Variants in MROH2B observed in about 807,000 individuals in gnomAD.
MROH2B encodes the protein maestro heat-like repeat-containing protein family member 2B.
A neutral mutation model predicts 208.6 loss-of-function variants in MROH2B; 177 were observed. That is an observed-to-expected ratio of 0.85 (90% CI 0.75 to 0.96). The LOEUF is 0.96. Among genes scored for constraint, MROH2B ranks in the 40% least tolerant of loss-of-function variants. MROH2B has a pLI of 0.00. For missense variants in MROH2B, 2,002 were observed against 1,878.7 expected (o/e 1.07, Z -1.21); for synonymous variants, 728 against 659.0 (o/e 1.10, Z -1.60).
chr5:41,008,619 G>C lies in MROH2B; in HGVS notation c.3595C>G (p.Pro1199Ala), dbSNP rs1371142640. Residue 1199 changes from proline to alanine, a missense_variant, in exon 33 of 42, where the codon CCA becomes GCA. Physicochemically the swap from Pro to Ala is conservative, Grantham distance 27 (BLOSUM62 -1). Coordinates refer to ENST00000399564, the MANE Select transcript of MROH2B (RefSeq NM_173489.5). Reference protein sequence around the residue: ...VMQQGEQQQIPDPCRLSTATL... With the variant: ...VMQQGEQQQIADPCRLSTATL... Reference sequence around the variant, plus strand: ...TTGGCCGTTTACCTGCAGGGGTCTGGGATCTGCTGCTGTTCTCCCTGCTGC... The same window carrying C: ...TTGGCCGTTTACCTGCAGGGGTCTGCGATCTGCTGCTGTTCTCCCTGCTGC... 7 of 1,613,568 alleles carry C rather than the reference G, an allele frequency of 4.3e-6. No individual in the cohort carries two copies. In the Admixed American group the frequency reaches 6.7e-5, roughly 15 times the overall value.
chr5:41,022,384 G>T (rs1453488379), intron 24 of MROH2B, among the ~76,000 whole-genome samples: 1 of 152,178 alleles, frequency 6.6e-6, no homozygotes, highest in Non-Finnish European at 1.5e-5. Context: ...CTTAGCAAAT[G>T]GCACACCAGG....
intron 2 of MROH2B, 128 bp from the exon 3 acceptor site, chr5:41,067,346 T>C (rs1276562684): frequency 1.7e-6 from 1 of 597,768 alleles, no homozygotes; most frequent in Non-Finnish European, 2.9e-6. Flanking sequence ...TCATATTATA[T>C]GTCTTAATTG....
At chr5:41,056,250 T>C (rs928190072) in intron 9 of MROH2B, among the ~76,000 whole-genome samples, 1 of 152,140 alleles carries the variant, frequency 6.6e-6, no homozygotes, top group Non-Finnish European at 1.5e-5. Context: ...TGATGCTTCC[T>C]CTGCTGTGAG....
At chr5:41,063,906 G>T (rs1743718301) in intron 5 of MROH2B, among the ~76,000 whole-genome samples, 2 of 152,110 alleles carry the variant, frequency 1.3e-5, no homozygotes, top group South Asian at 4.1e-4. Flanking sequence ...TTCAGTTTGG[G>T]GTAGAGGAGT....
chr5:41,021,848 C>G (rs1397293834), intron 24 of MROH2B, among the ~76,000 whole-genome samples: 2 of 151,918 alleles, frequency 1.3e-5, no homozygotes, highest in Non-Finnish European at 2.9e-5. Context: ...TGCACTCCAG[C>G]CTGGATGACA....
At chr5:41,067,554 A>T (rs1266892852) in intron 2 of MROH2B, among the ~76,000 whole-genome samples, 6 of 151,890 alleles carry the variant, frequency 4.0e-5, no homozygotes, top group Admixed American at 2.6e-4. Context: ...TTTAGTAGAG[A>T]CGGGGTTTTT....
chr5:41,033,217 A>T, intron 22 of MROH2B, 57 bp from the exon 23 acceptor site: 4 of 1,593,542 alleles, frequency 2.5e-6, no homozygotes, highest in Non-Finnish European at 3.4e-6. Flanking sequence ...ACTCAGGTCT[A>T]TTAACATGTG....
rs776705887 is a variant in MROH2B at position 41,010,077 on chromosome 5, T to C, written c.3138A>G (p.Leu1046=). 36 of 1,612,346 alleles carry C rather than the reference T, an allele frequency of 2.2e-5. No individual in the cohort carries two copies. The highest frequency in any genetic ancestry group is 5.4e-5 in the African/African-American group (4 of 74,766). Residue 1046 remains leucine, a splice_region_variant and synonymous_variant, in exon 31 of 42, where the codon CTA becomes CTG. Transcript: ENST00000399564. The stretch of plus-strand genomic sequence containing the variant: ...GGTAGATTGTGCCTAAGATCTCCAA[T>C]AGCTAAAGAGAAAAAAGCCAAGTCA... ...KQQGAALEDQ[L]LEILGTIYHH...
intron 24 of MROH2B, among the ~76,000 whole-genome samples, chr5:41,023,459 T>G (rs185905062): frequency 6.6e-6 from 1 of 152,066 alleles, no homozygotes; most frequent in South Asian, 2.1e-4. Context: ...AAGATCAAAT[T>G]AATGAAATGA....
intron 37 of MROH2B, among the ~76,000 whole-genome samples, chr5:41,002,230 C>T (rs1459833227): frequency 6.6e-6 from 1 of 152,000 alleles, no homozygotes; most frequent in Non-Finnish European, 1.5e-5. Flanking sequence ...ATCAACCAAT[C>T]GAGATGATGA....
Position 41,008,746 on chromosome 5 carries a change from G to A in MROH2B, c.3468C>T (p.Thr1156=), listed in dbSNP as rs185546559. The A allele has an allele frequency of 2.1e-4, 332 of 1,613,646 alleles. No individual in the cohort carries two copies. The Middle Eastern group carries it at 6.9e-3, about 34-fold the overall frequency. The change falls in exon 33 of 42, where the codon ACC becomes ACT. Residue 1156 remains threonine (T), a synonymous_variant. Transcript: ENST00000399564. The part of the protein sequence containing the change: ...YEVISMGTSV[T]GLYPELFTLL... ...GAGTGAACAGCTCTGGATACAAGCC[G>A]GTGACAGAGGTGCCCATTGAGATCA... is the stretch of plus-strand genomic sequence containing the variant.
intron 21 of MROH2B, among the ~76,000 whole-genome samples, chr5:41,036,175 G>T (rs1404312932): frequency 6.6e-6 from 1 of 151,612 alleles, no homozygotes; most frequent in Non-Finnish European, 1.5e-5. Context: ...ACATAGATAT[G>T]GTTTGGCTGT....
At chr5:41,009,244 C>T in intron 32 of MROH2B, 36 bp downstream of exon 32, 2 of 1,610,970 alleles carry the variant, frequency 1.2e-6, no homozygotes, top group Non-Finnish European at 1.7e-6. Flanking sequence ...ATGGCGCAGT[C>T]TCAGGCAAGT....
chr5:41,069,840 A>T, intron 1 of MROH2B, 88 bp from the exon 2 acceptor site: 1 of 993,930 alleles, frequency 1.0e-6, no homozygotes, highest in Non-Finnish European at 1.5e-6. Context: ...AAGTTCATTC[A>T]TTCATTTATC....
At chr5:41,032,673 T>C (rs1292790987) in intron 24 of MROH2B, 69 bp downstream of exon 24, 1 of 1,280,782 alleles carries the variant, frequency 7.8e-7, no homozygotes, top group East Asian at 2.5e-5. Context: ...CACTAACAGA[T>C]GTTAGTTGAT....
At chr5:41,032,894 T>G (rs1171889141) in intron 23 of MROH2B, 73 bp from the exon 24 acceptor site, 1 of 1,556,672 alleles carries the variant, frequency 6.4e-7, no homozygotes, top group Non-Finnish European at 8.7e-7. Flanking sequence ...TGCAACCTCA[T>G]CAGACCATTG....
chr5:41,062,214 G>A (rs1743664273), intron 5 of MROH2B, among the ~76,000 whole-genome samples: 1 of 152,144 alleles, frequency 6.6e-6, no homozygotes. Flanking sequence ...ATAAATAGCT[G>A]CTAATAGGTA....
chr5:41,039,909 T>C (rs1396804852), intron 19 of MROH2B, among the ~76,000 whole-genome samples: 2 of 152,140 alleles, frequency 1.3e-5, no homozygotes, highest in Non-Finnish European at 2.9e-5. Flanking sequence ...AAGGTGACAA[T>C]GAGCAGAGCC....
At position 41,055,803 on chromosome 5, in the gene MROH2B, A is replaced by G; in HGVS notation, c.972T>C (p.Ser324=). The change falls in exon 10 of 42, where the codon AGT becomes AGC. Residue 324 remains serine, a synonymous_variant. Transcript: ENST00000399564. ...LMEFFDEQVR[S]NNEAIRVGIL... is the part of the protein sequence containing the mutation. ...TTCCCACTCGAATGGCTTCATTATT[A>G]CTTCTTACTTGTTCATCAAAAAATT... 1 of 1,613,882 alleles carries G rather than the reference A, an allele frequency of 6.2e-7. No homozygotes were observed. Among genetic ancestry groups the G allele is most frequent in the Non-Finnish European group, 8.5e-7 (1 of 1,179,832 alleles).
Sources: gnomAD v4.1 joint callset for allele counts (sites outside exome capture counted in the v4.1 genomes callset) on GRCh38, gnomAD v4.1.1 for gene constraint, MANE v1.5 for transcripts, NCBI Gene and HGNC (gene_info 2026-07-23, HGNC 2026-07-21) for gene names.